The following ARHGEF9 variants were observed in gnomAD, a reference collection of about 807,000 sequenced individuals.
The protein encoded by ARHGEF9 is rho guanine nucleotide exchange factor 9.
A neutral mutation model predicts 41.3 loss-of-function variants in ARHGEF9; 2 were observed. That is an observed-to-expected ratio of 0.05 (90% confidence interval 0.02 to 0.15). The LOEUF is 0.15. Among genes scored for constraint, ARHGEF9 ranks in the 10% least tolerant of loss-of-function variants. The pLI is 1.00. For synonymous variants in ARHGEF9, 160 were observed against 154.4 expected, an observed-to-expected ratio of 1.04 and a Z score of -0.27; for missense variants, 225 against 424.7, an observed-to-expected ratio of 0.53 and a Z score of 4.13.
At chrX:63,716,912 T>G (rs1489659302) in intron 2 of ARHGEF9, among the ~76,000 whole-genome samples, 1 of 112,371 alleles carries the variant, frequency 8.9e-6, no homozygotes, top group East Asian at 2.8e-4. Context: ...TCAGGGCTAC[T>G]GCTGGCCCTG....
At chrX:63,665,174 G>A (rs1443583540) in intron 7 of ARHGEF9, among the ~76,000 whole-genome samples, 1 of 112,332 alleles carries the variant, frequency 8.9e-6, no homozygotes, top group Non-Finnish European at 1.9e-5. Flanking sequence ...GTAGGGGTAA[G>A]AGTATCCCAT....
intron 8 of ARHGEF9, among the ~76,000 whole-genome samples, chrX:63,647,816 C>T (rs1431131730): frequency 9.0e-6 from 1 of 111,221 alleles, no homozygotes; most frequent in Non-Finnish European, 1.9e-5. Context: ...GTACCAGCTC[C>T]TCCTTGTACC....
intron 9 of ARHGEF9, among the ~76,000 whole-genome samples, chrX:63,643,360 CTTTT>C (rs548964367): frequency 1.0e-5 from 1 of 98,220 alleles, no homozygotes; most frequent in African/African-American, 3.7e-5. Flanking sequence ...TATCTTTATA[CTTTT>C]TTTTTTTTTT....
intron 1 of ARHGEF9, among the ~76,000 whole-genome samples, chrX:63,769,514 T>C (rs1211083188): frequency 5.4e-5 from 6 of 111,903 alleles, no homozygotes; most frequent in African/African-American, 1.9e-4. Flanking sequence ...AGAAGTTAAA[T>C]GTTAATCCCC....
intron 4 of ARHGEF9, among the ~76,000 whole-genome samples, chrX:63,695,679 T>C (rs1446057989): frequency 8.9e-6 from 1 of 112,175 alleles, no homozygotes; most frequent in Non-Finnish European, 1.9e-5. Flanking sequence ...TTGACTGGCA[T>C]CTTGAAACTT....
At chrX:63,754,741 G>A in intron 1 of ARHGEF9, 1 of 954,077 alleles carries the variant, frequency 1.0e-6, no homozygotes, top group Non-Finnish European at 1.3e-6. Flanking sequence ...GAGTTTAGTC[G>A]GGGGAGGGGA....
chrX:63,695,097 T>C (rs782737559), intron 4 of ARHGEF9, among the ~76,000 whole-genome samples: 38 of 111,803 alleles, frequency 3.4e-4, no homozygotes, highest in Non-Finnish European at 6.8e-4. Context: ...TGATTCTTTT[T>C]TTTCCCCAGG....
chrX:63,737,800 A>G (rs1602637327), intron 1 of ARHGEF9, among the ~76,000 whole-genome samples: 1 of 112,083 alleles, frequency 8.9e-6, no homozygotes, highest in East Asian at 2.8e-4. Flanking sequence ...TCCATTTTAA[A>G]GGTAAGGAAA....
rs781844590 is a variant in ARHGEF9 at position 63,637,143 on chromosome X, C to G, written c.*885G>C. On this transcript the variant is annotated 3_prime_UTR_variant, in exon 10 of 10. Coordinates refer to ENST00000671741, the MANE Select transcript of ARHGEF9 (RefSeq NM_001353921.2). ...GAGAATAACTCGATCAAACTAACTCCTAGATGCAAAATTGCAACGACCCAG... is the reference window on the plus strand; with the variant it reads ...GAGAATAACTCGATCAAACTAACTCGTAGATGCAAAATTGCAACGACCCAG... The G allele has an allele frequency of 4.1e-5, 12 of 295,658 alleles. No homozygotes were observed. The South Asian group carries it at 2.3e-3, about 56-fold the overall frequency. 24.4% of individuals were successfully genotyped at this position (295,658 alleles called of 1,213,427 possible).
intron 1 of ARHGEF9, among the ~76,000 whole-genome samples, chrX:63,725,387 G>A (rs2053895926): frequency 8.9e-6 from 1 of 112,099 alleles, no homozygotes; most frequent in Middle Eastern, 4.2e-3. Flanking sequence ...ACCATCCTGT[G>A]AGATACAGTA....
intron 9 of ARHGEF9, chrX:63,640,246 A>G (rs1382590803): frequency 1.8e-5 from 2 of 112,255 alleles, no homozygotes; most frequent in African/African-American, 3.2e-5. Flanking sequence ...CAATTATTAC[A>G]TATCAATACA....
At chrX:63,765,714 A>C (rs2056102687) in intron 1 of ARHGEF9, among the ~76,000 whole-genome samples, 1 of 112,095 alleles carries the variant, frequency 8.9e-6, no homozygotes, top group Non-Finnish European at 1.9e-5. Context: ...AAAGTGTTTT[A>C]GAATCTGTAC....
intron 1 of ARHGEF9, among the ~76,000 whole-genome samples, chrX:63,781,654 G>T (rs1407365953): frequency 9.0e-6 from 1 of 111,686 alleles, no homozygotes; most frequent in Non-Finnish European, 1.9e-5. Flanking sequence ...CGTCTAACCT[G>T]GGCCTCCTCA....
intron 8 of ARHGEF9, among the ~76,000 whole-genome samples, chrX:63,645,856 G>A (rs1479446850): frequency 8.9e-6 from 1 of 111,873 alleles, no homozygotes; most frequent in Non-Finnish European, 1.9e-5. Context: ...CAGTGTAAAA[G>A]TGTTCCTATT....
At position 63,636,597 on chromosome X, in the gene ARHGEF9, A is replaced by G. The variant is rs2147108282; in HGVS notation, c.*1431T>C. On this transcript the variant is annotated 3_prime_UTR_variant, in exon 10 of 10. Transcript: ENST00000671741. ...TGAGTGCCAGAACAGCTTTAACTAT[A>G]TCAATACCAAAAATCCTCCTGTGCT... 1 of 222,584 alleles carries G rather than the reference A, an allele frequency of 4.5e-6. No homozygotes were observed. The highest frequency in any genetic ancestry group is 7.2e-5 in the East Asian group (1 of 13,885). The allele number at this position is 222,584 out of a possible 1,213,427, so 18.3% of individuals were successfully genotyped here. A position where few individuals can be genotyped will look rare whatever the true frequency, so the allele number is the denominator to read the frequency against.
intron 1 of ARHGEF9, among the ~76,000 whole-genome samples, chrX:63,760,944 C>A (rs1372144253): frequency 3.6e-5 from 4 of 111,838 alleles, no homozygotes; most frequent in Non-Finnish European, 7.5e-5. Context: ...TCTTCCAAAG[C>A]AGTTTGTAAG....
intron 1 of ARHGEF9, chrX:63,767,083 CT>C: frequency 9.9e-7 from 1 of 1,008,705 alleles, no homozygotes; most frequent in South Asian, 1.9e-5. Flanking sequence ...TTTAACAACC[CT>C]AAAGTTTAGG....
chrX:63,646,037 G>C (rs1772264680), intron 8 of ARHGEF9, among the ~76,000 whole-genome samples: 1 of 111,938 alleles, frequency 8.9e-6, no homozygotes, highest in Non-Finnish European at 1.9e-5. Flanking sequence ...CTTTTGAGAA[G>C]TGTCTGTTCA....
chrX:63,769,535 G>A (rs1228001858), intron 1 of ARHGEF9, among the ~76,000 whole-genome samples: 3 of 112,249 alleles, frequency 2.7e-5, no homozygotes, highest in African/African-American at 9.7e-5. Flanking sequence ...AAGACAATGG[G>A]GAAAGTGTCT....
Sources: allele counts gnomAD v4.1 joint callset (sites outside exome capture counted in the v4.1 genomes callset), GRCh38; gene constraint gnomAD v4.1.1; transcripts MANE v1.5; gene names NCBI Gene and HGNC (gene_info 2026-07-23, HGNC 2026-07-21).